Variants in USP34 observed in about 807,000 individuals in gnomAD.
USP34 encodes ubiquitin carboxyl-terminal hydrolase 34.
USP34 carries 70 observed loss-of-function variants against 460.3 expected under a neutral mutation model. The ratio of observed to expected loss-of-function variants is 0.15; its 90% CI spans 0.13 to 0.19. The LOEUF is 0.19. Ranked by LOEUF, USP34 falls within the 10% of genes least tolerant of loss-of-function variation. USP34 has a pLI of 1.00. For missense variants in USP34, 3,985 were observed against 4,236.2 expected (o/e 0.94, Z 1.65); for synonymous variants, 1,647 against 1,405.3 (o/e 1.17, Z -3.85).
At chr2:61,320,423 T>C (rs1332945797) in intron 21 of USP34, among the ~76,000 whole-genome samples, 3 of 152,116 alleles carry the variant, frequency 2.0e-5, no homozygotes, top group Non-Finnish European at 4.4e-5. Flanking sequence ...GAAACCAGGG[T>C]ACCCAGAGAA....
intron 52 of USP34, 50 bp from the exon 53 acceptor site, chr2:61,241,705 C>A (rs1212067039): frequency 2.0e-6 from 3 of 1,523,226 alleles, no homozygotes; most frequent in East Asian, 2.3e-5. Context: ...AAGTATTACT[C>A]TAAAAGTAGA....
At chr2:61,342,296 C>CTTTTTTT (rs34298126) in intron 16 of USP34, among the ~76,000 whole-genome samples, 1 of 95,072 alleles carries the variant, frequency 1.1e-5, no homozygotes, top group Admixed American at 1.5e-4. Flanking sequence ...TGGCCGTTTC[C>CTTTTTTT]TTTTTTTTTT....
intron 41 of USP34, among the ~76,000 whole-genome samples, chr2:61,268,680 TAAA>T (rs951354112): frequency 1.7e-4 from 26 of 152,166 alleles, no homozygotes; most frequent in African/African-American, 6.3e-4. Flanking sequence ...AAATTCAATT[TAAA>T]AAGTTATCAA....
intron 5 of USP34, among the ~76,000 whole-genome samples, chr2:61,385,682 A>AAAAT (rs1304139993): frequency 1.4e-5 from 2 of 146,762 alleles, no homozygotes; most frequent in Non-Finnish European, 3.0e-5. Context: ...AAAAAAAAAA[A>AAAAT]AAAAAAAAAA....
intron 10 of USP34, among the ~76,000 whole-genome samples, chr2:61,351,124 G>A (rs1057395531): frequency 4.6e-5 from 7 of 152,074 alleles, no homozygotes; most frequent in African/African-American, 1.4e-4. Context: ...CTACATAGGC[G>A]GCTATGGTGG....
chr2:61,388,915 T>C (rs1244787799), intron 5 of USP34, among the ~76,000 whole-genome samples: 1 of 152,006 alleles, frequency 6.6e-6, no homozygotes, highest in Admixed American at 6.6e-5. Context: ...TGTAATAACC[T>C]AAATGTCCAT....
intron 37 of USP34, among the ~76,000 whole-genome samples, chr2:61,281,900 T>C (rs1689546209): frequency 6.6e-6 from 1 of 152,202 alleles, no homozygotes; most frequent in South Asian, 2.1e-4. Context: ...GAATATTCTA[T>C]AGATTGTAAG....
At chr2:61,400,110 A>ATT (rs70963424) in intron 3 of USP34, among the ~76,000 whole-genome samples, 11 of 141,698 alleles carry the variant, frequency 7.8e-5, no homozygotes, top group Admixed American at 1.4e-4. Flanking sequence ...AGGAAAGGCA[A>ATT]TTTTTTTTTT....
At chr2:61,241,080 T>TG (rs1688242910) in intron 53 of USP34, among the ~76,000 whole-genome samples, 2 of 152,078 alleles carry the variant, frequency 1.3e-5, no homozygotes, top group Admixed American at 1.3e-4. Flanking sequence ...AGTCTTGCTC[T>TG]GTCACCCAGG....
chr2:61,252,270 C>T (rs1363494058), intron 48 of USP34, among the ~76,000 whole-genome samples: 3 of 152,140 alleles, frequency 2.0e-5, no homozygotes, highest in Non-Finnish European at 4.4e-5. Flanking sequence ...AGTTACTTAA[C>T]CTCTCTGAGC....
At chr2:61,403,791 T>C (rs1489336571) in intron 3 of USP34, among the ~76,000 whole-genome samples, 15 of 151,688 alleles carry the variant, frequency 9.9e-5, no homozygotes, top group Admixed American at 7.2e-4. Flanking sequence ...ATCGAGACCA[T>C]CCTGGCTAAC....
intron 8 of USP34, among the ~76,000 whole-genome samples, chr2:61,378,150 G>T (rs1338072649): frequency 6.6e-6 from 1 of 152,130 alleles, no homozygotes; most frequent in East Asian, 1.9e-4. Flanking sequence ...TCCACCCTGG[G>T]CAACAGAGCA....
intron 29 of USP34, among the ~76,000 whole-genome samples, chr2:61,298,489 T>C (rs548207558): frequency 1.7e-5 from 2 of 115,054 alleles, no homozygotes; most frequent in East Asian, 5.7e-4. Flanking sequence ...AGTGAGCCGA[T>C]AACTTGTCAC....
chr2:61,316,085 A>T (rs1030146932), intron 23 of USP34, among the ~76,000 whole-genome samples: 10 of 151,722 alleles, frequency 6.6e-5, no homozygotes, highest in African/African-American at 1.2e-4. Flanking sequence ...ATGCGCCTAT[A>T]ATCCCAGCTA....
At chr2:61,437,968 T>G (rs974443905) in intron 1 of USP34, among the ~76,000 whole-genome samples, 1 of 151,778 alleles carries the variant, frequency 6.6e-6, no homozygotes, top group South Asian at 2.1e-4. Flanking sequence ...TTCCAAAAAA[T>G]TGAAGCAAAG....
At chr2:61,290,330 T>C (rs957952221) in intron 33 of USP34, among the ~76,000 whole-genome samples, 5 of 152,144 alleles carry the variant, frequency 3.3e-5, no homozygotes, top group African/African-American at 9.7e-5. Flanking sequence ...AGCAATTTCA[T>C]CACTTGGTAT....
chr2:61,369,975 T>C (rs775292737), intron 10 of USP34, among the ~76,000 whole-genome samples: 2 of 121,394 alleles, frequency 1.6e-5, no homozygotes, highest in Non-Finnish European at 3.4e-5. Context: ...TGTGGATATA[T>C]GCCTATTTAA....
chr2:61,427,353 G>A (rs1027116320), intron 1 of USP34, among the ~76,000 whole-genome samples: 3 of 152,172 alleles, frequency 2.0e-5, no homozygotes, highest in Non-Finnish European at 2.9e-5. Context: ...TATCTAGAAA[G>A]CCTTCCCAAG....
intron 5 of USP34, among the ~76,000 whole-genome samples, chr2:61,394,397 A>G (rs1258596364): frequency 6.6e-6 from 1 of 152,018 alleles, no homozygotes; most frequent in Non-Finnish European, 1.5e-5. Flanking sequence ...CTGTCTCTAA[A>G]AAAAGTACAA....
Sources: allele counts gnomAD v4.1 joint callset (sites outside exome capture counted in the v4.1 genomes callset), GRCh38; gene constraint gnomAD v4.1.1; transcripts MANE v1.5; gene names NCBI Gene and HGNC (gene_info 2026-07-23, HGNC 2026-07-21).